The following CLCN3 variants were observed in gnomAD, a reference collection of about 807,000 sequenced individuals.
CLCN3 encodes H(+)/Cl(-) exchange transporter 3.
In CLCN3, 16 loss-of-function variants were observed where a neutral mutation model predicts 83.4. The ratio of observed to expected loss-of-function variants is 0.19; its 90% CI spans 0.13 to 0.29. The LOEUF is 0.29. Ranked by LOEUF, CLCN3 falls within the 10% of genes least tolerant of loss-of-function variation. CLCN3 has a pLI of 1.00. For synonymous variants in CLCN3, 322 were observed against 346.2 expected (o/e 0.93, Z 0.78); for missense variants, 544 against 1,006.0 (o/e 0.54, Z 6.21).
intron 10 of CLCN3, among the ~76,000 whole-genome samples, chr4:169,704,863 ATG>A (rs1382433674): frequency 6.6e-6 from 1 of 152,218 alleles, no homozygotes; most frequent in Admixed American, 6.5e-5. Context: ...AATAAAAATT[ATG>A]TGATTATTGA....
chr4:169,708,729 T>G (rs1412540986), intron 11 of CLCN3, among the ~76,000 whole-genome samples: 1 of 152,148 alleles, frequency 6.6e-6, no homozygotes, highest in Admixed American at 6.5e-5. Context: ...TAAAGTTTTG[T>G]TACTGTCTTG....
At chr4:169,674,295 A>G (rs1731592954) in intron 2 of CLCN3, among the ~76,000 whole-genome samples, 1 of 152,114 alleles carries the variant, frequency 6.6e-6, no homozygotes, top group South Asian at 2.1e-4. Flanking sequence ...GATTCATTTT[A>G]TGCATTTCTG....
At chr4:169,698,925 T>C (rs1732672882) in intron 9 of CLCN3, among the ~76,000 whole-genome samples, 1 of 152,192 alleles carries the variant, frequency 6.6e-6, no homozygotes, top group African/African-American at 2.4e-5. Flanking sequence ...TGGTCAAGTC[T>C]TTCTCTTGTC....
At chr4:169,680,488 TG>T (rs549175275) in intron 3 of CLCN3, 2 of 262,160 alleles carry the variant, frequency 7.6e-6, no homozygotes, top group Admixed American at 1.0e-4. Flanking sequence ...GCACAGGAGT[TG>T]GGGGGAAGAA....
chr4:169,697,693 A>G lies in CLCN3; in HGVS notation c.1522A>G (p.Ile508Val). The G allele has an allele frequency of 1.2e-6, 2 of 1,612,892 alleles. No homozygotes were observed. The highest frequency in any genetic ancestry group is 1.7e-6 in the Non-Finnish European group (2 of 1,179,604). Residue 508 changes from isoleucine to valine, a missense_variant, in exon 9 of 13, where the codon ATA becomes GTA. Ile to Val is a conservative substitution (Grantham distance 29, BLOSUM62 3). Transcript: ENST00000513761. ...SAIWQLCLAL[I>V]FKIIMTVFTF... Reference sequence around the variant, plus strand: ...TATATGGCAGTTATGCCTGGCACTCATATTTAAAATCATAATGACAGTATT... The same window carrying G: ...TATATGGCAGTTATGCCTGGCACTCGTATTTAAAATCATAATGACAGTATT...
chr4:169,717,421 C>T (rs931062216), intron 12 of CLCN3, among the ~76,000 whole-genome samples: 2 of 152,056 alleles, frequency 1.3e-5, no homozygotes, highest in African/African-American at 4.8e-5. Context: ...AAATATTTTC[C>T]TCTGAGGAAA....
intron 1 of CLCN3, among the ~76,000 whole-genome samples, chr4:169,630,911 G>A (rs1773353216): frequency 6.6e-6 from 1 of 152,214 alleles, no homozygotes; most frequent in Non-Finnish European, 1.5e-5. Context: ...GTAGTGCTGT[G>A]ATGAACATAT....
At chr4:169,712,529 C>T (rs1733261978) in intron 11 of CLCN3, among the ~76,000 whole-genome samples, 1 of 152,156 alleles carries the variant, frequency 6.6e-6, no homozygotes, top group Non-Finnish European at 1.5e-5. Flanking sequence ...GTACTTTCAT[C>T]TCATCTGTAA....
intron 2 of CLCN3, among the ~76,000 whole-genome samples, chr4:169,679,364 A>G (rs1039615457): frequency 3.3e-5 from 5 of 149,298 alleles, no homozygotes; most frequent in Non-Finnish European, 5.9e-5. Flanking sequence ...CTCACTTCCT[A>G]GATGGGATGG....
intron 1 of CLCN3, among the ~76,000 whole-genome samples, chr4:169,628,060 A>G (rs1171889376): frequency 1.3e-5 from 2 of 152,224 alleles, no homozygotes; most frequent in Admixed American, 1.3e-4. Context: ...AACTTTTTCA[A>G]CAGTTGGTAC....
intron 1 of CLCN3, among the ~76,000 whole-genome samples, chr4:169,632,882 G>GA (rs199780429): frequency 6.0e-5 from 9 of 150,750 alleles, no homozygotes; most frequent in Admixed American, 2.6e-4. Context: ...TTACTTTTTG[G>GA]AAAAAAAAAC....
At chr4:169,625,613 A>C (rs1560823822) in intron 1 of CLCN3, among the ~76,000 whole-genome samples, 2 of 152,192 alleles carry the variant, frequency 1.3e-5, no homozygotes, top group Admixed American at 6.5e-5. Flanking sequence ...TGGAAAGAAC[A>C]CGCTGGTCTT....
At chr4:169,647,097 T>C (rs939836274) in intron 2 of CLCN3, among the ~76,000 whole-genome samples, 2 of 152,130 alleles carry the variant, frequency 1.3e-5, no homozygotes, top group Non-Finnish European at 2.9e-5. Context: ...AAAAATCTTA[T>C]ATGGTTGGCT....
chr4:169,620,588 TC>T lies in CLCN3; in HGVS notation c.-490del. On this transcript the variant is annotated 5_prime_UTR_variant, in exon 1 of 13. Transcript: ENST00000513761. Reference sequence around the variant, plus strand: ...TGACTCCTGCCGCTTCTCTTCCCCTTCCGTGGGTCAGGGCCGGTCCGGTCCG... The same window carrying T: ...TGACTCCTGCCGCTTCTCTTCCCCTTCGTGGGTCAGGGCCGGTCCGGTCCG... The T allele has an allele frequency of 2.5e-6, 1 of 396,700 alleles. No homozygotes were observed. The highest frequency in any genetic ancestry group is 4.4e-6 in the Non-Finnish European group (1 of 225,414). 24.6% of individuals were successfully genotyped at this position (396,700 alleles called of 1,614,324 possible).
intron 2 of CLCN3, among the ~76,000 whole-genome samples, chr4:169,665,428 C>T (rs1731208294): frequency 1.3e-5 from 2 of 152,120 alleles, no homozygotes; most frequent in Admixed American, 6.5e-5. Flanking sequence ...TTTATTTACC[C>T]AGTAGACATT....
At chr4:169,702,796 A>AAG in intron 9 of CLCN3, 1 of 308,744 alleles carries the variant, frequency 3.2e-6, no homozygotes, top group Non-Finnish European at 6.5e-6. Flanking sequence ...AAAAAAAAAA[A>AAG]AGAAAGCCAG....
intron 4 of CLCN3, 57 bp from the exon 5 acceptor site, chr4:169,688,986 T>A (rs1732263371): frequency 1.3e-6 from 2 of 1,523,342 alleles, no homozygotes; most frequent in Admixed American, 1.8e-5. Context: ...ACTAGATTGT[T>A]CTCGACTCCC....
chr4:169,622,568 T>C (rs1773136051), intron 1 of CLCN3, among the ~76,000 whole-genome samples: 1 of 152,250 alleles, frequency 6.6e-6, no homozygotes, highest in Non-Finnish European at 1.5e-5. Flanking sequence ...TAAGTGTTAA[T>C]ATTTGTTGAA....
chr4:169,663,123 A>ATG (rs1731112995), intron 2 of CLCN3: 1 of 62,784 alleles, frequency 1.6e-5, no homozygotes, highest in South Asian at 4.6e-4. Flanking sequence ...GAGTGAGCAT[A>ATG]TATGTGTGTG....
Sources: gnomAD v4.1 joint callset for allele counts (sites outside exome capture counted in the v4.1 genomes callset) on GRCh38, gnomAD v4.1.1 for gene constraint, MANE v1.5 for transcripts, NCBI Gene and HGNC (gene_info 2026-07-23, HGNC 2026-07-21) for gene names.